The following GREB1 variants were observed in gnomAD, a reference collection of about 807,000 sequenced individuals.
GREB1 encodes protein GREB1.
A neutral mutation model predicts 200.7 loss-of-function variants in GREB1; 106 were observed. The ratio of observed to expected loss-of-function variants is 0.53; its 90% CI spans 0.45 to 0.62. GREB1 has a LOEUF of 0.62. Ranked by LOEUF, GREB1 falls within the 20% of genes least tolerant of loss-of-function variation. The pLI is 0.00. For missense variants in GREB1, 2,243 were observed against 2,556.8 expected, an observed-to-expected ratio of 0.88 and a Z score of 2.65; for synonymous variants, 1,132 against 1,092.4, an observed-to-expected ratio of 1.04 and a Z score of -0.72.
At position 11,596,212 on chromosome 2, in the gene GREB1, G is replaced by C. The variant is rs1227205896; in HGVS notation, c.1927G>C (p.Asp643His). 6.2e-7 allele frequency: 1 copy of C among 1,613,832 alleles called. No individual in the cohort carries two copies. The highest frequency in any genetic ancestry group is 8.5e-7 in the Non-Finnish European group (1 of 1,179,886). ...TTCTGTCACTAAAGCAGCATCCCTGGATGTCAGTGGGACACCGGTGTGCAC... is the reference window on the plus strand; with the variant it reads ...TTCTGTCACTAAAGCAGCATCCCTGCATGTCAGTGGGACACCGGTGTGCAC... The part of the protein sequence containing the change: ...ASSVTKAASL[D>H]VSGTPVCTSY... The change falls in exon 13 of 33, where the codon GAT becomes CAT. Residue 643 changes from aspartate (D) to histidine (H), a missense_variant. Asp to His is a moderately conservative substitution (Grantham distance 81). Transcript: ENST00000381486.
intron 23 of GREB1, among the ~76,000 whole-genome samples, chr2:11,624,341 CTTTT>C (rs70955810): frequency 7.2e-5 from 8 of 111,114 alleles, no homozygotes; most frequent in Non-Finnish European, 7.5e-5. Context: ...TACACAAATT[CTTTT>C]TTTTTTTTTT....
intron 25 of GREB1, among the ~76,000 whole-genome samples, chr2:11,628,921 G>T (rs764759283): frequency 6.6e-6 from 1 of 152,212 alleles, no homozygotes; most frequent in Admixed American, 6.5e-5. Context: ...GCTGGTGCGG[G>T]TGCAGAGGCC....
intron 4 of GREB1, among the ~76,000 whole-genome samples, chr2:11,575,969 T>C (rs548861862): frequency 1.3e-5 from 2 of 152,346 alleles, no homozygotes; most frequent in East Asian, 3.9e-4. Flanking sequence ...CCTGGTCCTC[T>C]TTCATTCGAG....
chr2:11,515,932 A>G (rs981569791), intron 1 of GREB1, among the ~76,000 whole-genome samples: 5 of 152,220 alleles, frequency 3.3e-5, no homozygotes, highest in Non-Finnish European at 7.3e-5. Context: ...TTAGCCAGGC[A>G]AGACAGCACT....
intron 1 of GREB1, among the ~76,000 whole-genome samples, chr2:11,513,510 G>A (rs1673406294): frequency 6.6e-6 from 1 of 152,120 alleles, no homozygotes; most frequent in African/African-American, 2.4e-5. Flanking sequence ...ATCCTTCAAG[G>A]CCTACTTCTT....
chr2:11,584,480 G>A (rs917890297), intron 7 of GREB1, among the ~76,000 whole-genome samples: 1 of 152,076 alleles, frequency 6.6e-6, no homozygotes. Context: ...TACTGCTGCC[G>A]CCTGTCTGCA....
intron 20 of GREB1, among the ~76,000 whole-genome samples, chr2:11,616,174 A>C (rs1250023028): frequency 2.0e-5 from 3 of 152,222 alleles, no homozygotes; most frequent in Non-Finnish European, 4.4e-5. Context: ...GCACTGGCCC[A>C]CGTTAAACTT....
Position 11,588,842 on chromosome 2 carries a change from G to C in GREB1, c.1256G>C (p.Arg419Pro), listed in dbSNP as rs771049767. ...TCYQNSQSVS[R>P]AYEQYGASAI... is the part of the protein sequence containing the mutation. ...TACCAGAATTCCCAGTCTGTCTCAC[G>C]GGCATACGAGCAGTACGGCGCCTCT... is the stretch of plus-strand genomic sequence containing the variant. Residue 419 changes from arginine (R) to proline (P), a missense_variant, in exon 10 of 33, where the codon CGG becomes CCG. Physicochemically the swap from Arg to Pro is moderately radical, Grantham distance 103. Coordinates refer to ENST00000381486, the MANE Select transcript of GREB1 (RefSeq NM_014668.4). The C allele has an allele frequency of 1.2e-6, 2 of 1,614,080 alleles. No homozygotes were observed. The highest frequency in any genetic ancestry group is 1.7e-6 in the Non-Finnish European group (2 of 1,179,948).
At chr2:11,627,256 T>G (rs11674837) in intron 25 of GREB1, 152 bp downstream of exon 25, 145,919 of 641,744 alleles carry the variant, frequency 0.23, 18,901 homozygotes, top group Non-Finnish European at 0.27. Flanking sequence ...CCTTCAATTG[T>G]CTGTGAAATG....
rs1156859326 is a variant in GREB1, at chr2:11,612,942, G to A, written c.3122+332G>A. 2.0e-5 allele frequency among the ~76,000 whole-genome samples: 3 copies of A among 152,186 alleles called. No homozygotes were observed. In the East Asian group the frequency reaches 5.8e-4, roughly 29 times the overall value. On this transcript the variant is annotated intron_variant, in intron 19 of 32. Coordinates refer to ENST00000381486, the MANE Select transcript of GREB1 (RefSeq NM_014668.4). ...CCCCATGGGGCGCTCTGTGTGTGCT[G>A]GGGATGGCAGTTCTGCTTGGGACAG... is the stretch of plus-strand genomic sequence containing the variant.
chr2:11,587,165 C>T (rs567032522), intron 9 of GREB1, among the ~76,000 whole-genome samples: 1 of 152,298 alleles, frequency 6.6e-6, no homozygotes, highest in East Asian at 1.9e-4. Context: ...CACTGCACCC[C>T]TCGCTGTAAA....
intron 1 of GREB1, among the ~76,000 whole-genome samples, chr2:11,526,040 G>T (rs1036343883): frequency 6.6e-6 from 1 of 152,140 alleles, no homozygotes; most frequent in Non-Finnish European, 1.5e-5. Flanking sequence ...ATTTGAGAGG[G>T]TTTCATCAAA....
chr2:11,613,601 C>T (rs1462479924), intron 19 of GREB1, among the ~76,000 whole-genome samples: 2 of 152,216 alleles, frequency 1.3e-5, no homozygotes, highest in Non-Finnish European at 2.9e-5. Flanking sequence ...ACTCATGGGC[C>T]AGGGGAAGGG....
chr2:11,509,473 C>CT (rs537705284), intron 1 of GREB1, among the ~76,000 whole-genome samples: 192 of 3,574 alleles, frequency 0.054, no homozygotes, highest in Admixed American at 0.098. Context: ...AAGGTGTTCT[C>CT]TTTAAAAAAA....
At position 11,639,121 on chromosome 2, in the gene GREB1, G is replaced by A. The variant is rs939243892; in HGVS notation, c.5686+312G>A. On this transcript the variant is annotated intron_variant, in intron 32 of 32. Coordinates refer to ENST00000381486, the MANE Select transcript of GREB1 (RefSeq NM_014668.4). ...TTTCTGGTTTTTGAGATGGAGTCTC[G>A]CTCTGTCACCTTGGCTGGAGTGCAG... Among the ~76,000 whole-genome samples the A allele has an allele frequency of 1.2e-4, 18 of 152,156 alleles. No individual in the cohort carries two copies. The East Asian group carries it at 2.9e-3, about 25-fold the overall frequency.
rs111854918 is a variant in GREB1, at chr2:11,633,284, C to T, written c.4991+221C>T. Among the ~76,000 whole-genome samples the T allele has an allele frequency of 0.13, 19,049 of 152,092 alleles. 1,532 individuals are homozygous for T. Among genetic ancestry groups the T allele is most frequent in the Non-Finnish European group, 0.18 (12,490 of 67,990 alleles). ...TAATTTTAAAAAATTGTTATTGGGC[C>T]GGGCGCGGTGGCTCATGCCTGTAAT... is the stretch of plus-strand genomic sequence containing the variant. On this transcript the variant is annotated intron_variant, in intron 28 of 32. Transcript: ENST00000381486. The surrounding 1 kb of genome is among the most constrained non-coding windows in gnomAD (Gnocchi z 4.1).
intron 10 of GREB1, among the ~76,000 whole-genome samples, chr2:11,592,543 TA>T (rs993140959): frequency 8.1e-4 from 122 of 150,626 alleles, no homozygotes; most frequent in African/African-American, 2.8e-3. Context: ...ATCTTATAAT[TA>T]AAAAAAAACT....
At position 11,618,332 on chromosome 2, in the gene GREB1, C is replaced by T. The variant is rs564935036; in HGVS notation, c.3457C>T (p.Pro1153Ser). ...GTCCTCGGCTCAGCCCACAGCACTC[C>T]CCCAGGGAGAGCATGCCAGGTCGCC... The part of the protein sequence containing the change: ...GESSAQPTAL[P>S]QGEHARSPQP... The change falls in exon 22 of 33, where the codon CCC becomes TCC. Residue 1153 changes from proline (P) to serine (S), a missense_variant. By Grantham distance (74) the Pro-to-Ser change is moderately conservative (BLOSUM62 -1). This residue lies in a region of GREB1 where 587 missense variants were observed against 553.1 expected (regional missense o/e 1.06). Coordinates refer to ENST00000381486, the MANE Select transcript of GREB1 (RefSeq NM_014668.4). 6.2e-7 allele frequency: 1 copy of T among 1,604,302 alleles called. No homozygotes were observed. Among genetic ancestry groups the T allele is most frequent in the Non-Finnish European group, 8.5e-7 (1 of 1,174,556 alleles).
intron 17 of GREB1, among the ~76,000 whole-genome samples, chr2:11,605,781 G>A (rs985440809): frequency 1.3e-5 from 2 of 152,076 alleles, no homozygotes; most frequent in African/African-American, 2.4e-5. Context: ...TCAATAGTTT[G>A]TTCCTTTTTA....
Sources: gnomAD v4.1 joint callset for allele counts (sites outside exome capture counted in the v4.1 genomes callset) on GRCh38, gnomAD v4.1.1 for gene constraint, gnomAD v4.1.1 regional missense constraint, Gnocchi (gnomAD v3.1) non-coding constraint, MANE v1.5 for transcripts, NCBI Gene and HGNC (gene_info 2026-07-23, HGNC 2026-07-21) for gene names.